Variants in CPSF3 observed in about 807,000 individuals in gnomAD.
The protein encoded by CPSF3 is cleavage and polyadenylation specificity factor subunit 3.
CPSF3 carries 57 observed loss-of-function variants against 84.1 expected under a neutral mutation model. The observed-to-expected ratio is 0.68, with a 90% confidence interval of 0.55 to 0.85. The LOEUF is 0.85. CPSF3 is among the 40% of genes least tolerant of loss of function. The pLI, the probability that CPSF3 is intolerant of heterozygous loss-of-function variation, is 0.00. For synonymous variants in CPSF3, 275 were observed against 278.1 expected (o/e 0.99, Z 0.11); for missense variants, 522 against 838.8 (o/e 0.62, Z 4.66).
rs770007874 is a variant in CPSF3 at position 9,441,807 on chromosome 2, TTC to T, written c.937-5_937-4del. On this transcript the variant is annotated splice_polypyrimidine_tract_variant and intron_variant, in intron 8 of 17. Transcript: ENST00000238112. ...GCTAACATACTTTTCCCATTCTGTTTTCTCTCTTAGAGCATGGATCATTTTGA... is the reference window on the plus strand; with the variant it reads ...GCTAACATACTTTTCCCATTCTGTTTTCTCTTAGAGCATGGATCATTTTGA... The T allele has an allele frequency of 6.2e-7, 1 of 1,612,940 alleles. No homozygotes were observed. Among genetic ancestry groups the T allele is most frequent in the Non-Finnish European group, 8.5e-7 (1 of 1,179,438 alleles).
chr2:9,423,806 G>C lies in CPSF3; in HGVS notation c.33G>C (p.Gln11His). 1 of 1,613,684 alleles carries C rather than the reference G, an allele frequency of 6.2e-7. No individual in the cohort carries two copies. Among genetic ancestry groups the C allele is most frequent in the Non-Finnish European group, 8.5e-7 (1 of 1,179,872 alleles). MSAIPAEESD[Q>H]LLIRPLGAGQ... ...CGATTCCTGCTGAGGAGAGCGACCA[G>C]CTGCTGATCCGACCCCTGTAAGGGA... The change falls in exon 1 of 18, where the codon CAG (glutamine) becomes CAC (histidine). Residue 11 changes from glutamine to histidine, a missense_variant. Gln to His is a conservative substitution (Grantham distance 24, BLOSUM62 0). Transcript: ENST00000238112.
At chr2:9,433,996 T>C (rs192860683) in intron 6 of CPSF3, 36 bp downstream of exon 6, 1 of 1,238,680 alleles carries the variant, frequency 8.1e-7, no homozygotes, top group Non-Finnish European at 1.2e-6. Flanking sequence ...ATCAATGTAA[T>C]GTAAGCAGAT....
intron 10 of CPSF3, among the ~76,000 whole-genome samples, chr2:9,447,368 A>G (rs1681161096): frequency 6.6e-6 from 1 of 152,134 alleles, no homozygotes; most frequent in South Asian, 2.1e-4. Context: ...AGTCCCAGCT[A>G]CGTGGGAGGC....
intron 17 of CPSF3, 87 bp downstream of exon 17, chr2:9,471,526 T>C: frequency 2.5e-6 from 2 of 784,928 alleles, no homozygotes; most frequent in Non-Finnish European, 4.5e-6. Context: ...CTCAACAGTC[T>C]ACTGTTGCAT....
chr2:9,468,760 G>A (rs765880563), intron 16 of CPSF3, among the ~76,000 whole-genome samples: 7 of 151,462 alleles, frequency 4.6e-5, no homozygotes, highest in Admixed American at 2.6e-4. Context: ...CCGAGCAAGT[G>A]GGACTATAGG....
chr2:9,465,445 A>G (rs1414666953), intron 15 of CPSF3, among the ~76,000 whole-genome samples: 1 of 152,092 alleles, frequency 6.6e-6, no homozygotes, highest in East Asian at 1.9e-4. Context: ...CATTGTTTCT[A>G]AGGGAAAAAA....
chr2:9,429,888 C>T (rs772210730), intron 2 of CPSF3, 35 bp from the exon 3 acceptor site: 21 of 1,364,224 alleles, frequency 1.5e-5, no homozygotes, highest in Non-Finnish European at 2.0e-5. Context: ...ATAAAATGTG[C>T]AGGAGATTGT....
At chr2:9,430,080 T>C in intron 3 of CPSF3, 60 bp downstream of exon 3, 1 of 997,176 alleles carries the variant, frequency 1.0e-6, no homozygotes, top group African/African-American at 1.7e-5. Context: ...AAGATCATTC[T>C]TTACTAGATT....
At chr2:9,454,525 T>TGA (rs1681448385) in intron 12 of CPSF3, among the ~76,000 whole-genome samples, 1 of 149,780 alleles carries the variant, frequency 6.7e-6, no homozygotes, top group East Asian at 1.9e-4. Flanking sequence ...TCTGAGTTAG[T>TGA]GAGCTCTTAT....
intron 1 of CPSF3, 99 bp downstream of exon 1, chr2:9,423,922 C>T (rs1558445589): frequency 2.6e-6 from 4 of 1,530,834 alleles, no homozygotes; most frequent in Non-Finnish European, 2.6e-6. Flanking sequence ...TCCCACCTAC[C>T]CCGGCAGCCT....
At chr2:9,466,375 C>T (rs891814717) in intron 15 of CPSF3, among the ~76,000 whole-genome samples, 17 of 136,622 alleles carry the variant, frequency 1.2e-4, no homozygotes, top group African/African-American at 4.0e-4. Flanking sequence ...CACACACCCA[C>T]GCACTCGCAC....
At chr2:9,463,430 C>T (rs1463983775) in intron 15 of CPSF3, among the ~76,000 whole-genome samples, 7 of 152,110 alleles carry the variant, frequency 4.6e-5, no homozygotes, top group African/African-American at 1.4e-4. Context: ...TGGAGGTGTT[C>T]TAATAAAGCC....
intron 14 of CPSF3, among the ~76,000 whole-genome samples, chr2:9,458,231 C>G (rs931497732): frequency 3.3e-5 from 5 of 151,800 alleles, no homozygotes; most frequent in Non-Finnish European, 2.9e-5. Context: ...TGGTGAAAAC[C>G]CGTCTCTACT....
intron 8 of CPSF3, chr2:9,441,601 G>C (rs939374825): frequency 3.8e-6 from 2 of 529,714 alleles, no homozygotes; most frequent in African/African-American, 3.8e-5. Context: ...TGAAGATCGG[G>C]GTGAACTTAC....
chr2:9,431,760 AG>A lies in CPSF3; in HGVS notation c.342-750del, dbSNP rs957282287. Among the ~76,000 whole-genome samples the A allele has an allele frequency of 2.0e-5, 3 of 151,842 alleles. No homozygotes were observed. In the East Asian group the frequency reaches 5.8e-4, roughly 29 times the overall value. On this transcript the variant is annotated intron_variant, in intron 4 of 17. Transcript: ENST00000238112. Reference sequence around the variant, plus strand: ...GAGACGGGGTTTTACCATGTTGGCCAGCCTGGTCTTGAACTCCTGACCTCAG... The same window carrying A: ...GAGACGGGGTTTTACCATGTTGGCCACCTGGTCTTGAACTCCTGACCTCAG...
At chr2:9,466,336 A>AGG (rs1558466469) in intron 15 of CPSF3, among the ~76,000 whole-genome samples, 8 of 46,286 alleles carry the variant, frequency 1.7e-4, no homozygotes, top group African/African-American at 4.2e-4. Flanking sequence ...AGACGCACGC[A>AGG]CACACGCGCG....
chr2:9,450,399 C>T (rs144863314), intron 11 of CPSF3, among the ~76,000 whole-genome samples: 12,242 of 150,788 alleles, frequency 0.081, 1,641 homozygotes, highest in African/African-American at 0.28. Flanking sequence ...AAATGATCCA[C>T]GTGCCTTGGC....
chr2:9,440,197 A>G (rs1400344253), intron 7 of CPSF3, among the ~76,000 whole-genome samples: 1 of 152,190 alleles, frequency 6.6e-6, no homozygotes, highest in Non-Finnish European at 1.5e-5. Context: ...TATGGTAGTA[A>G]GTTATAGACT....
chr2:9,448,616 G>A (rs758216860), intron 11 of CPSF3, among the ~76,000 whole-genome samples: 5 of 152,160 alleles, frequency 3.3e-5, no homozygotes, highest in Non-Finnish European at 7.3e-5. Context: ...GAGTGCAATG[G>A]TGCGATCTCG....
Sources: allele counts gnomAD v4.1 joint callset (sites outside exome capture counted in the v4.1 genomes callset), GRCh38; gene constraint gnomAD v4.1.1; transcripts MANE v1.5; gene names NCBI Gene and HGNC (gene_info 2026-07-23, HGNC 2026-07-21).